The following NFASC variants were observed in gnomAD, a reference collection of about 807,000 sequenced individuals.
NFASC encodes neurofascin.
A neutral mutation model predicts 147.5 loss-of-function variants in NFASC; 43 were observed. That is an observed-to-expected ratio of 0.29 (90% CI 0.23 to 0.38). NFASC has a LOEUF of 0.38. NFASC is among the 10% of genes least tolerant of loss of function. NFASC has a pLI of 1.00. For synonymous variants in NFASC, 622 were observed against 665.5 expected (o/e 0.93, Z 1.01); for missense variants, 1,320 against 1,689.0 (o/e 0.78, Z 3.83).
At chr1:204,920,798 T>C in intron 2 of NFASC, 58 bp downstream of exon 2, 1 of 736,242 alleles carries the variant, frequency 1.4e-6, no homozygotes, top group Non-Finnish European at 2.1e-6. Context: ...TGAGGGGACA[T>C]TCTCGCCTCC....
intron 25 of NFASC, chr1:204,999,683 T>C (rs1239429752): frequency 2.6e-5 from 4 of 152,178 alleles, no homozygotes; most frequent in Non-Finnish European, 4.4e-5. Context: ...TGAATCATAT[T>C]CACCTGGGGC....
intron 3 of NFASC, among the ~76,000 whole-genome samples, chr1:204,945,335 A>G (rs953441653): frequency 2.0e-5 from 3 of 152,158 alleles, no homozygotes; most frequent in African/African-American, 7.2e-5. Context: ...TGACACCAAC[A>G]TTGGCTTGGG....
At chr1:204,924,804 C>G (rs1324780062) in intron 2 of NFASC, among the ~76,000 whole-genome samples, 1 of 152,208 alleles carries the variant, frequency 6.6e-6, no homozygotes, top group Non-Finnish European at 1.5e-5. Context: ...TTGTCCAAAG[C>G]CTTATCGCAA....
intron 1 of NFASC, among the ~76,000 whole-genome samples, chr1:204,861,067 T>A (rs2102843526): frequency 6.7e-6 from 1 of 148,752 alleles, no homozygotes; most frequent in South Asian, 2.1e-4. Flanking sequence ...TTAGTTTGAA[T>A]ACTTGCTTTC....
intron 1 of NFASC, among the ~76,000 whole-genome samples, chr1:204,879,773 A>G (rs1041434056): frequency 4.6e-5 from 7 of 152,244 alleles, no homozygotes; most frequent in Non-Finnish European, 1.0e-4. Context: ...AAAGGAATTC[A>G]GCTGGGTTTG....
chr1:204,973,503 A>G (rs2095317969), intron 12 of NFASC, 84 bp downstream of exon 12: 2 of 1,518,326 alleles, frequency 1.3e-6, no homozygotes, highest in African/African-American at 2.8e-5. Flanking sequence ...CGTGGGGCAC[A>G]CTTTCTTCTC....
intron 1 of NFASC, among the ~76,000 whole-genome samples, chr1:204,920,144 C>T (rs1248946394): frequency 6.6e-6 from 1 of 152,218 alleles, no homozygotes; most frequent in East Asian, 1.9e-4. Flanking sequence ...AAATTTGCAT[C>T]TCCTGACCCT....
intron 21 of NFASC, chr1:204,983,891 T>C (rs1230405812): frequency 3.2e-6 from 2 of 624,710 alleles, no homozygotes; most frequent in Non-Finnish European, 5.9e-6. Context: ...TACTGTCTCA[T>C]GGAGGAGATA....
chr1:205,005,410 G>A (rs1288095059), intron 27 of NFASC, among the ~76,000 whole-genome samples: 1 of 150,288 alleles, frequency 6.7e-6, no homozygotes, highest in African/African-American at 2.5e-5. Flanking sequence ...GGAGAGGTGT[G>A]GAAGGCACAC....
chr1:204,983,016 C>T (rs1268163420), intron 21 of NFASC, among the ~76,000 whole-genome samples: 2 of 152,210 alleles, frequency 1.3e-5, no homozygotes, highest in Admixed American at 1.3e-4. Context: ...GTCCTCTGTC[C>T]ATCCCACTCC....
In NFASC at chr1:204,944,525, G is replaced by A. The variant is rs1385457385; in HGVS notation, c.91+119G>A. ...AAGGAGATTGAGGAGAGGGGACGCA[G>A]TGGATTCTGAGATTCAGAGCTGGGT... On this transcript the variant is annotated intron_variant, in intron 3 of 29. Transcript: ENST00000339876. The A allele has an allele frequency of 6.3e-6, 5 of 793,950 alleles. No homozygotes were observed. The East Asian group carries it at 1.1e-4, about 18-fold the overall frequency. 49.2% of individuals were successfully genotyped at this position (793,950 alleles called of 1,614,324 possible). A position where few individuals can be genotyped will look rare whatever the true frequency, so the allele number is the denominator to read the frequency against.
intron 1 of NFASC, among the ~76,000 whole-genome samples, chr1:204,901,604 G>T (rs1016520428): frequency 2.6e-5 from 4 of 152,162 alleles, no homozygotes; most frequent in African/African-American, 9.7e-5. Flanking sequence ...AAGAGGTTTG[G>T]AGAAGAGAAA....
In NFASC at chr1:204,979,599, C is replaced by T. The variant is rs1032451749; in HGVS notation, c.2176+40C>T. The T allele has an allele frequency of 1.1e-5, 17 of 1,578,746 alleles. No individual in the cohort carries two copies. The highest frequency in any genetic ancestry group is 1.4e-5 in the Non-Finnish European group (16 of 1,149,132). On this transcript the variant is annotated intron_variant, in intron 19 of 29. Transcript: ENST00000339876. The surrounding 1 kb of genome is among the most constrained non-coding windows in gnomAD (Gnocchi z 6.0). The stretch of plus-strand genomic sequence containing the variant: ...GCTGCCAGAGAAGGCTCCGGAACCC[C>T]GCACCCCAAACTCACACTGAGATCC...
chr1:204,831,767 C>T (rs1672287065), intron 1 of NFASC, among the ~76,000 whole-genome samples: 1 of 152,124 alleles, frequency 6.6e-6, no homozygotes, highest in African/African-American at 2.4e-5. Flanking sequence ...CATACTTACT[C>T]ATTTAACAAA....
At chr1:204,847,200 C>T (rs1232688729) in intron 1 of NFASC, among the ~76,000 whole-genome samples, 1 of 152,092 alleles carries the variant, frequency 6.6e-6, no homozygotes, top group African/African-American at 2.4e-5. Context: ...GTCATAGCAG[C>T]AGCAACAGTA....
Position 204,968,813 on chromosome 1 carries a change from C to T in NFASC, c.834C>T (p.Ile278=), listed in dbSNP as rs1159255128. ...CCTCTCCTAGCCCAACACCAGACATCGCATGGTACAAGAAAGGTGGGGACC... is the reference window on the plus strand; with the variant it reads ...CCTCTCCTAGCCCAACACCAGACATTGCATGGTACAAGAAAGGTGGGGACC... The part of the protein sequence containing the change: ...CIASGVPTPD[I]AWYKKGGDLP... The change falls in exon 10 of 30, where the codon ATC becomes ATT. Residue 278 remains isoleucine, a synonymous_variant. Coordinates refer to ENST00000339876, the MANE Select transcript of NFASC (RefSeq NM_001005388.3). The surrounding 1 kb of genome is among the most constrained non-coding windows in gnomAD (Gnocchi z 5.4). 5 of 1,613,214 alleles carry T rather than the reference C, an allele frequency of 3.1e-6. No homozygotes were observed. Among genetic ancestry groups the T allele is most frequent in the Admixed American group, 3.3e-5 (2 of 59,982 alleles).
chr1:204,945,690 C>CAGGGAGGG (rs577744353), intron 3 of NFASC, among the ~76,000 whole-genome samples: 1 of 151,950 alleles, frequency 6.6e-6, no homozygotes, highest in Non-Finnish European at 1.5e-5. Flanking sequence ...TGCATGTGCA[C>CAGGGAGGG]AGGGAGGGAG....
At chr1:204,871,120 T>C in intron 1 of NFASC, 2 of 1,287,072 alleles carry the variant, frequency 1.6e-6, no homozygotes, top group Middle Eastern at 4.3e-4. Flanking sequence ...CCTCACCCCA[T>C]TCCTCCTGCT....
intron 2 of NFASC, among the ~76,000 whole-genome samples, chr1:204,932,634 A>G (rs2092464851): frequency 6.6e-6 from 1 of 152,224 alleles, no homozygotes; most frequent in South Asian, 2.1e-4. Context: ...ATACAGTCTT[A>G]TTGGAACTGA....
Sources: gnomAD v4.1 joint callset for allele counts (sites outside exome capture counted in the v4.1 genomes callset) on GRCh38, gnomAD v4.1.1 for gene constraint, Gnocchi (gnomAD v3.1) non-coding constraint, MANE v1.5 for transcripts, NCBI Gene and HGNC (gene_info 2026-07-23, HGNC 2026-07-21) for gene names.